The following LSAMP variants were observed in gnomAD, a reference collection of about 807,000 sequenced individuals.
The protein encoded by LSAMP is limbic system associated membrane protein.
In LSAMP, 7 loss-of-function variants were observed where a neutral mutation model predicts 38.6. That is an observed-to-expected ratio of 0.18 (90% CI 0.10 to 0.34). The LOEUF (loss-of-function observed/expected upper bound fraction) is 0.34. Among genes scored for constraint, LSAMP ranks in the 10% least tolerant of loss-of-function variants. LSAMP has a pLI of 1.00. For missense variants in LSAMP, 313 were observed against 420.0 expected (o/e 0.75, Z 2.23); for synonymous variants, 154 against 166.8 (o/e 0.92, Z 0.59).
intron 2 of LSAMP, among the ~76,000 whole-genome samples, chr3:116,071,459 A>G (rs1393491601): frequency 6.6e-6 from 1 of 152,048 alleles, no homozygotes; most frequent in African/African-American, 2.4e-5. Context: ...TCCCCAAAAA[A>G]CTGTAAAAAA....
intron 2 of LSAMP, among the ~76,000 whole-genome samples, chr3:116,057,000 G>T (rs577326756): frequency 7.9e-5 from 12 of 152,242 alleles, no homozygotes; most frequent in African/African-American, 2.9e-4. Flanking sequence ...AAGCTATGAA[G>T]AATTGTGGGT....
intron 1 of LSAMP, among the ~76,000 whole-genome samples, chr3:116,395,368 A>G (rs921395471): frequency 6.6e-6 from 1 of 152,308 alleles, no homozygotes; most frequent in Non-Finnish European, 1.5e-5. Context: ...CATGTTACCA[A>G]TGAGTTTGTT....
At chr3:116,382,240 A>C (rs2048569209) in intron 1 of LSAMP, among the ~76,000 whole-genome samples, 1 of 152,082 alleles carries the variant, frequency 6.6e-6, no homozygotes, top group African/African-American at 2.4e-5. Flanking sequence ...AATAGCAAAT[A>C]CTTGGAGCCA....
intron 3 of LSAMP, among the ~76,000 whole-genome samples, chr3:116,016,938 C>T (rs1940500399): frequency 6.6e-6 from 1 of 151,954 alleles, no homozygotes; most frequent in Admixed American, 6.6e-5. Flanking sequence ...ATTGAGAATC[C>T]CTGTGAGTGT....
intron 1 of LSAMP, among the ~76,000 whole-genome samples, chr3:116,197,580 A>AT (rs1710923084): frequency 2.0e-5 from 3 of 152,060 alleles, no homozygotes; most frequent in Admixed American, 6.5e-5. Flanking sequence ...AGGGCAGCAG[A>AT]TTTCTTCTCA....
chr3:115,849,846 C>G (rs73140492), intron 4 of LSAMP, among the ~76,000 whole-genome samples: 3 of 151,908 alleles, frequency 2.0e-5, no homozygotes, highest in Non-Finnish European at 4.4e-5. Context: ...AAGGTGATTC[C>G]AAAGGAAATT....
intron 2 of LSAMP, among the ~76,000 whole-genome samples, chr3:116,039,945 T>C (rs999589040): frequency 1.8e-4 from 27 of 152,174 alleles, no homozygotes; most frequent in African/African-American, 6.5e-4. Context: ...CTGTCTCATC[T>C]TGAGTCCCCA....
At chr3:116,048,351 G>A (rs1422474651) in intron 2 of LSAMP, among the ~76,000 whole-genome samples, 1 of 152,148 alleles carries the variant, frequency 6.6e-6, no homozygotes, top group Non-Finnish European at 1.5e-5. Context: ...TACCAAGGAA[G>A]GAATATTTTG....
At chr3:116,206,909 G>A (rs1202115818) in intron 1 of LSAMP, among the ~76,000 whole-genome samples, 1 of 150,564 alleles carries the variant, frequency 6.6e-6, no homozygotes, top group Non-Finnish European at 1.5e-5. Context: ...TTCTGTAGAT[G>A]TCTATTAGGT....
At position 116,148,175 on chromosome 3, in the gene LSAMP, T is replaced by C. The variant is rs372120860; in HGVS notation, c.156-61619A>G. 4.6e-5 allele frequency among the ~76,000 whole-genome samples: 7 copies of C among 151,736 alleles called. No homozygotes were observed. In the South Asian group the frequency reaches 1.5e-3, roughly 32 times the overall value. The stretch of plus-strand genomic sequence containing the variant: ...CAATTTGCATTTGTTCTCTCAGAGG[T>C]TAGTTAAAATAACAGCAACAACAAC... On this transcript the variant is annotated intron_variant, in intron 1 of 6. Transcript: ENST00000490035.
At chr3:116,314,915 T>A (rs1464350244) in intron 1 of LSAMP, among the ~76,000 whole-genome samples, 1 of 152,164 alleles carries the variant, frequency 6.6e-6, no homozygotes, top group Non-Finnish European at 1.5e-5. Flanking sequence ...TAATAAACAA[T>A]GATAATGTTT....
chr3:116,092,261 G>C (rs1314693315), intron 1 of LSAMP, among the ~76,000 whole-genome samples: 1 of 151,940 alleles, frequency 6.6e-6, no homozygotes, highest in African/African-American at 2.4e-5. Flanking sequence ...AAAGTTATTA[G>C]GTATAAAGGG....
In LSAMP at chr3:115,876,259, A is replaced by ATT. The variant is rs1559862864; in HGVS notation, c.515-23643_515-23642insAA. Among the ~76,000 whole-genome samples, 209 of 146,200 alleles carry ATT rather than the reference A, an allele frequency of 1.4e-3. 2 individuals are homozygous for ATT. The highest frequency in any genetic ancestry group is 5.0e-3 in the African/African-American group (197 of 39,202). On this transcript the variant is annotated intron_variant, in intron 3 of 6. Coordinates refer to ENST00000490035, the MANE Select transcript of LSAMP (RefSeq NM_002338.5). Reference sequence around the variant, plus strand: ...GCTAAAAGAAACTGTTCTGATTTAAAAAAAAAAAAAGGAAAAAGCTTTTTT... The same window carrying ATT: ...GCTAAAAGAAACTGTTCTGATTTAAATTAAAAAAAAAAGGAAAAAGCTTTTTT...
rs866749889 is a variant in LSAMP at position 115,803,447 on chromosome 3, A to C, written c.*6870T>G. ...CTTAGGACAAGAGGATCTGTGCTCA[A>C]TGCATCTAGAACATGGCACAAGAAA... is the stretch of plus-strand genomic sequence containing the variant. On this transcript the variant is annotated 3_prime_UTR_variant, in exon 7 of 7. Coordinates refer to ENST00000490035, the MANE Select transcript of LSAMP (RefSeq NM_002338.5). 1 of 152,218 alleles carries C rather than the reference A, an allele frequency of 6.6e-6. No individual in the cohort carries two copies. The highest frequency in any genetic ancestry group is 2.4e-5 in the African/African-American group (1 of 41,456). 9.4% of individuals were successfully genotyped at this position (152,218 alleles called of 1,614,324 possible).
intron 1 of LSAMP, among the ~76,000 whole-genome samples, chr3:116,395,230 C>T (rs61452505): frequency 0.02 from 3,111 of 152,272 alleles, 113 homozygotes; most frequent in African/African-American, 0.072. Context: ...GATGAATCCA[C>T]CATAAAGCTT....
chr3:115,822,571 G>T (rs984763331), intron 6 of LSAMP, among the ~76,000 whole-genome samples: 23 of 152,068 alleles, frequency 1.5e-4, no homozygotes, highest in South Asian at 1.2e-3. Context: ...TGTTGGTCAG[G>T]CTGGTCTCAA....
At chr3:116,043,932 C>T (rs186100810) in intron 2 of LSAMP, among the ~76,000 whole-genome samples, 9 of 152,298 alleles carry the variant, frequency 5.9e-5, no homozygotes, top group Admixed American at 3.3e-4. Flanking sequence ...GGCGAAAGAG[C>T]GAGACTCCGT....
rs72950106 is a variant in LSAMP, at chr3:116,297,462, T to G, written c.155+147415A>C. On this transcript the variant is annotated intron_variant, in intron 1 of 6. Coordinates refer to ENST00000490035, the MANE Select transcript of LSAMP (RefSeq NM_002338.5). ...AAAAACATAAACTTTCTTTGATACA[T>G]GAAACCTTTATGTTATCCCTTTGGA... Among the ~76,000 whole-genome samples the G allele has an allele frequency of 1.7e-3, 258 of 152,278 alleles. 2 individuals are homozygous for G. The highest frequency in any genetic ancestry group is 5.9e-3 in the African/African-American group (247 of 41,558).
intron 1 of LSAMP, among the ~76,000 whole-genome samples, chr3:116,359,533 C>T (rs2048274059): frequency 6.6e-6 from 1 of 152,158 alleles, no homozygotes; most frequent in Non-Finnish European, 1.5e-5. Context: ...CTCATATTAC[C>T]CTGGACAACA....
Sources: allele counts gnomAD v4.1 joint callset (sites outside exome capture counted in the v4.1 genomes callset), GRCh38; gene constraint gnomAD v4.1.1; transcripts MANE v1.5; gene names NCBI Gene and HGNC (gene_info 2026-07-23, HGNC 2026-07-21).